The following CPEB3 variants were observed in gnomAD, a reference collection of about 807,000 sequenced individuals.
CPEB3 encodes the protein cytoplasmic polyadenylation element-binding protein 3.
Under a neutral mutation model 67.2 loss-of-function variants are expected in CPEB3, and 20 were observed. The ratio of observed to expected loss-of-function variants is 0.30; its 90% confidence interval spans 0.21 to 0.43. The LOEUF is 0.43. Ranked by LOEUF, CPEB3 falls within the 20% of genes least tolerant of loss-of-function variation. The pLI is 1.00. For missense variants in CPEB3, 746 were observed against 968.6 expected, an observed-to-expected ratio of 0.77 and a Z score of 3.05; for synonymous variants, 376 against 393.1, an observed-to-expected ratio of 0.96 and a Z score of 0.51.
intron 2 of CPEB3, among the ~76,000 whole-genome samples, chr10:92,203,299 G>A (rs1409889267): frequency 1.4e-5 from 2 of 147,406 alleles, no homozygotes; most frequent in East Asian, 2.0e-4. Flanking sequence ...TGACACTTCC[G>A]GTAAATCATC....
chr10:92,112,022 A>G (rs1198951859), intron 6 of CPEB3, among the ~76,000 whole-genome samples: 1 of 152,114 alleles, frequency 6.6e-6, no homozygotes, highest in Non-Finnish European at 1.5e-5. Context: ...CCATAGACAC[A>G]GCCAGTTTTT....
intron 1 of CPEB3, among the ~76,000 whole-genome samples, chr10:92,261,466 T>G (rs1040413287): frequency 9.2e-5 from 14 of 152,192 alleles, no homozygotes; most frequent in African/African-American, 3.4e-4. Flanking sequence ...TTTGTTTTTT[T>G]GAGACACAGT....
chr10:92,140,261 A>C (rs1846337278), intron 6 of CPEB3, among the ~76,000 whole-genome samples: 1 of 152,238 alleles, frequency 6.6e-6, no homozygotes, highest in Non-Finnish European at 1.5e-5. Flanking sequence ...CCAAAACAGC[A>C]TGGTACTGGG....
rs1174318352 is a variant in CPEB3 at position 92,291,009 on chromosome 10, G to C, written c.-95C>G. ...AGACATTTTTTCCCCCTGGAGGAAGGAAACGGGAGGGCGCCGGCCAGACGG... is the reference window on the plus strand; with the variant it reads ...AGACATTTTTTCCCCCTGGAGGAAGCAAACGGGAGGGCGCCGGCCAGACGG... On this transcript the variant is annotated 5_prime_UTR_variant, in exon 1 of 10. Coordinates refer to ENST00000265997, the MANE Select transcript of CPEB3 (RefSeq NM_014912.5). The C allele has an allele frequency of 5.9e-6, 1 of 168,544 alleles. No homozygotes were observed. Among genetic ancestry groups the C allele is most frequent in the African/African-American group, 2.4e-5 (1 of 41,762 alleles). The allele number at this position is 168,544 out of a possible 1,614,324, so 10.4% of individuals were successfully genotyped here.
intron 7 of CPEB3, among the ~76,000 whole-genome samples, chr10:92,100,720 T>C (rs571043203): frequency 2.0e-5 from 3 of 152,200 alleles, no homozygotes; most frequent in African/African-American, 4.8e-5. Flanking sequence ...GCCTCCCAAG[T>C]AGCTGGGACT....
intron 1 of CPEB3, among the ~76,000 whole-genome samples, chr10:92,288,173 C>G (rs1215022283): frequency 6.6e-6 from 1 of 152,162 alleles, no homozygotes; most frequent in Non-Finnish European, 1.5e-5. Context: ...AAGAATAATG[C>G]TGTAGGCCAG....
intron 9 of CPEB3, among the ~76,000 whole-genome samples, chr10:92,057,067 G>T (rs769205600): frequency 2.0e-5 from 3 of 152,220 alleles, no homozygotes; most frequent in African/African-American, 2.4e-5. Flanking sequence ...TGAATAGCCA[G>T]CAGTGACACC....
At chr10:92,253,443 A>G (rs1256915284) in intron 1 of CPEB3, among the ~76,000 whole-genome samples, 2 of 139,344 alleles carry the variant, frequency 1.4e-5, no homozygotes, top group African/African-American at 5.5e-5. Context: ...CTGACAACAG[A>G]GCAAGACTCT....
chr10:92,228,809 G>T (rs1345296876), intron 2 of CPEB3, among the ~76,000 whole-genome samples: 10 of 151,732 alleles, frequency 6.6e-5, no homozygotes, highest in Non-Finnish European at 1.5e-5. Context: ...CACCTCCTGG[G>T]TTCAAGCAAT....
At chr10:92,056,751 AG>A (rs1031241722) in intron 9 of CPEB3, among the ~76,000 whole-genome samples, 2 of 152,188 alleles carry the variant, frequency 1.3e-5, no homozygotes, top group Non-Finnish European at 2.9e-5. Context: ...ACATCAGCCA[AG>A]GGAGTGGTGG....
chr10:92,248,047 C>T (rs760948295), intron 1 of CPEB3, among the ~76,000 whole-genome samples: 19 of 152,286 alleles, frequency 1.2e-4, no homozygotes, highest in Non-Finnish European at 2.2e-4. Flanking sequence ...AGAATTAACT[C>T]ACTGAGATAC....
chr10:92,260,713 A>G (rs536783858), intron 1 of CPEB3, among the ~76,000 whole-genome samples: 104 of 152,010 alleles, frequency 6.8e-4, no homozygotes, highest in Non-Finnish European at 1.3e-3. Context: ...GGCTCAAGCA[A>G]TTATCCTGCT....
intron 2 of CPEB3, among the ~76,000 whole-genome samples, chr10:92,231,227 T>A (rs954786784): frequency 2.0e-5 from 3 of 152,180 alleles, no homozygotes; most frequent in African/African-American, 7.2e-5. Context: ...CACCCTAATA[T>A]ACAAAGTGCC....
chr10:92,052,162 T>C lies in CPEB3; in HGVS notation c.*50A>G. 2 of 1,332,942 alleles carry C rather than the reference T, an allele frequency of 1.5e-6. No homozygotes were observed. The highest frequency in any genetic ancestry group is 2.1e-6 in the Non-Finnish European group (2 of 930,696). 82.6% of individuals were successfully genotyped at this position (1,332,942 alleles called of 1,614,324 possible). On this transcript the variant is annotated 3_prime_UTR_variant, in exon 10 of 10. Coordinates refer to ENST00000265997, the MANE Select transcript of CPEB3 (RefSeq NM_014912.5). ...AAGCCCTGAGGCAGTGCCCTCTCTT[T>C]TCCCTCCTTGTTATCTACTCCAGTA...
intron 9 of CPEB3, among the ~76,000 whole-genome samples, chr10:92,053,453 T>TC (rs922661318): frequency 1.4e-4 from 22 of 151,848 alleles, no homozygotes; most frequent in African/African-American, 4.8e-4. Flanking sequence ...AAACTCTGCC[T>TC]CCCAGGTTCA....
chr10:92,184,206 G>C (rs571807610), intron 3 of CPEB3, among the ~76,000 whole-genome samples: 2 of 152,130 alleles, frequency 1.3e-5, no homozygotes, highest in African/African-American at 4.8e-5. Flanking sequence ...ATCACTAATT[G>C]GTGAAAAGCA....
At chr10:92,082,481 T>C (rs963399924) in intron 8 of CPEB3, among the ~76,000 whole-genome samples, 1 of 152,210 alleles carries the variant, frequency 6.6e-6, no homozygotes, top group Non-Finnish European at 1.5e-5. Flanking sequence ...GGTTTCACCA[T>C]GTTGGCCAGG....
intron 9 of CPEB3, among the ~76,000 whole-genome samples, chr10:92,073,243 T>C (rs909763614): frequency 6.6e-6 from 1 of 151,974 alleles, no homozygotes; most frequent in Non-Finnish European, 1.5e-5. Context: ...CTCACTATAT[T>C]GTCCAGGCTG....
At chr10:92,283,753 G>T (rs1321287537) in intron 1 of CPEB3, among the ~76,000 whole-genome samples, 1 of 138,152 alleles carries the variant, frequency 7.2e-6, no homozygotes, top group African/African-American at 2.7e-5. Flanking sequence ...TTGAGACAAG[G>T]TCTCACTCTG....
Sources: allele counts gnomAD v4.1 joint callset (sites outside exome capture counted in the v4.1 genomes callset), GRCh38; gene constraint gnomAD v4.1.1; transcripts MANE v1.5; gene names NCBI Gene and HGNC (gene_info 2026-07-23, HGNC 2026-07-21).